The following RSPO1 variants were observed in gnomAD, a reference collection of about 807,000 sequenced individuals.
The protein encoded by RSPO1 is R-spondin 1.
A neutral mutation model predicts 26.0 loss-of-function variants in RSPO1; 18 were observed. The observed-to-expected ratio is 0.69, with a 90% CI of 0.48 to 1.03. The LOEUF (loss-of-function observed/expected upper bound fraction) is 1.03. Ranked by LOEUF, RSPO1 falls within the 50% of genes least tolerant of loss-of-function variation. The probability of loss-of-function intolerance (pLI) is 0.00; values close to 1 mark genes in which losing one functional copy is unlikely to be tolerated. For missense variants in RSPO1, 309 were observed against 352.3 expected (o/e 0.88, Z 0.98); for synonymous variants, 133 against 137.4 (o/e 0.97, Z 0.22).
Position 37,629,822 on chromosome 1 carries a change from G to T in RSPO1, c.-161C>A, listed in dbSNP as rs2148184541. The T allele has an allele frequency of 6.4e-7, 1 of 1,551,050 alleles. No homozygotes were observed. The highest frequency in any genetic ancestry group is 2.4e-5 in the East Asian group (1 of 40,912). ...ATAATCTCAGCTGGGGACAGAGAGG[G>T]TGTGGGGAGCCCAGTTCTCCATCAG... On this transcript the variant is annotated 5_prime_UTR_variant, in exon 3 of 7. Transcript: ENST00000356545.
At chr1:37,630,094 C>T in intron 2 of RSPO1, 145 bp from the exon 3 acceptor site, 1 of 595,258 alleles carries the variant, frequency 1.7e-6, no homozygotes. Context: ...AAGAAATCTG[C>T]TCCTTTTCCT....
In RSPO1 at chr1:37,614,287, G is replaced by A. The variant is rs769596573; in HGVS notation, c.333C>T (p.Cys111=). Residue 111 remains cysteine, a synonymous_variant, in exon 5 of 7, where the codon TGC becomes TGT. Transcript: ENST00000356545. The stretch of plus-strand genomic sequence containing the variant: ...GGTACAAGCCCTCCTTACACTTGGT[G>A]CAGAAGTTATGGCTGAAGCAGGCCT... ...HCEACFSHNF[C]TKCKEGLYLH... is the part of the protein sequence containing the mutation. 5 of 1,613,798 alleles carry A rather than the reference G, an allele frequency of 3.1e-6. No individual in the cohort carries two copies. The African/African-American group carries it at 6.7e-5, about 22-fold the overall frequency.
intron 3 of RSPO1, among the ~76,000 whole-genome samples, chr1:37,625,876 G>A (rs774523514): frequency 2.0e-5 from 3 of 151,990 alleles, no homozygotes; most frequent in African/African-American, 4.8e-5. Context: ...ACAAGCTTTC[G>A]CCATGTTGGG....
In RSPO1 at chr1:37,616,503, G is replaced by A. The variant is rs370101609; in HGVS notation, c.267C>T (p.Pro89=). 3.3e-5 allele frequency: 53 copies of A among 1,614,026 alleles called. No homozygotes were observed. The highest frequency in any genetic ancestry group is 8.8e-5 in the South Asian group (8 of 91,084). Residue 89 remains proline, a synonymous_variant, in exon 4 of 7, where the codon CCC becomes CCT. Coordinates refer to ENST00000356545, the MANE Select transcript of RSPO1 (RefSeq NM_001242908.2). ...CPPGYFDARN[P]DMNKCIKCKI... Reference sequence around the variant, plus strand: ...ACTCACTGATGCACTTGTTCATGTCGGGGTTGCGGGCGTCGAAGTATCCAG... The same window carrying A: ...ACTCACTGATGCACTTGTTCATGTCAGGGTTGCGGGCGTCGAAGTATCCAG...
At chr1:37,625,978 A>G (rs895144762) in intron 3 of RSPO1, among the ~76,000 whole-genome samples, 5 of 152,182 alleles carry the variant, frequency 3.3e-5, no homozygotes, top group Non-Finnish European at 4.4e-5. Context: ...ATGCCAAGCC[A>G]GACCCAGGAT....
chr1:37,626,076 C>T (rs532730190), intron 3 of RSPO1, among the ~76,000 whole-genome samples: 2 of 152,174 alleles, frequency 1.3e-5, no homozygotes, highest in Non-Finnish European at 2.9e-5. Flanking sequence ...CTCCCCCACC[C>T]TCTATGCAGC....
intron 3 of RSPO1, among the ~76,000 whole-genome samples, chr1:37,623,951 G>T (rs1202349353): frequency 6.6e-6 from 1 of 151,842 alleles, no homozygotes; most frequent in Non-Finnish European, 1.5e-5. Flanking sequence ...TAGTAGAGTT[G>T]GGGTTTCACC....
chr1:37,613,579 C>T lies in RSPO1; in HGVS notation c.625+125G>A, dbSNP rs934606520. 36 of 760,404 alleles carry T rather than the reference C, an allele frequency of 4.7e-5. No homozygotes were observed. The highest frequency in any genetic ancestry group is 2.9e-4 in the African/African-American group (17 of 58,322). The allele number at this position is 760,404 out of a possible 1,614,324, so 47.1% of individuals were successfully genotyped here. A position where few individuals can be genotyped will look rare whatever the true frequency, so the allele number is the denominator to read the frequency against. ...TTGGACAGCATGAGGTCTTGAGTTG[C>T]GGGTGCCCCATCTGGCCTTGCCCTG... On this transcript the variant is annotated intron_variant, in intron 6 of 6. Coordinates refer to ENST00000356545, the MANE Select transcript of RSPO1 (RefSeq NM_001242908.2). This position sits in a 1 kb window ranked among gnomAD's most constrained non-coding sequence, Gnocchi z 4.5.
intron 2 of RSPO1, among the ~76,000 whole-genome samples, chr1:37,630,839 A>C (rs533427388): frequency 1.1e-4 from 16 of 152,282 alleles, no homozygotes; most frequent in Non-Finnish European, 2.2e-4. Flanking sequence ...ACACTCCCCC[A>C]CACACACCCA....
intron 3 of RSPO1, among the ~76,000 whole-genome samples, chr1:37,624,141 G>C (rs1473707196): frequency 6.6e-6 from 1 of 152,168 alleles, no homozygotes; most frequent in Admixed American, 6.5e-5. Flanking sequence ...CTCTCCTCTA[G>C]CTGGGCACAG....
intron 3 of RSPO1, among the ~76,000 whole-genome samples, chr1:37,625,544 GGA>G (rs1317971880): frequency 6.6e-6 from 1 of 152,158 alleles, no homozygotes; most frequent in Non-Finnish European, 1.5e-5. Context: ...GCCTCAGCCA[GGA>G]GACTGAGGAA....
chr1:37,617,495 A>T (rs10908364), intron 3 of RSPO1, among the ~76,000 whole-genome samples: 122,509 of 151,344 alleles, frequency 0.81, 50,040 homozygotes, highest in East Asian at 0.96. Context: ...CCCGTCTCTA[A>T]TAAAATTACA....
chr1:37,619,613 G>A (rs1054130474), intron 3 of RSPO1, among the ~76,000 whole-genome samples: 2 of 152,186 alleles, frequency 1.3e-5, no homozygotes, highest in South Asian at 2.1e-4. Flanking sequence ...CCACAATGGC[G>A]GCAGTGTGTT....
At position 37,612,520 on chromosome 1, in the gene RSPO1, GTA is replaced by G. The variant is rs767775927; in HGVS notation, c.*233_*234del. ...CTCAGGTGTGTGTGTGTGTGTGTGTGTATGTGTGTGTGTGGTGTCTGTGTCTG... is the reference window on the plus strand; with the variant it reads ...CTCAGGTGTGTGTGTGTGTGTGTGTGTGTGTGTGTGTGGTGTCTGTGTCTG... On this transcript the variant is annotated 3_prime_UTR_variant, in exon 7 of 7. Coordinates refer to ENST00000356545, the MANE Select transcript of RSPO1 (RefSeq NM_001242908.2). 21 of 595,444 alleles carry G rather than the reference GTA, an allele frequency of 3.5e-5. No individual in the cohort carries two copies. The highest frequency in any genetic ancestry group is 1.7e-4 in the African/African-American group (9 of 54,002). The allele number at this position is 595,444 out of a possible 1,614,324, so 36.9% of individuals were successfully genotyped here. A position where few individuals can be genotyped will look rare whatever the true frequency, so the allele number is the denominator to read the frequency against.
chr1:37,626,810 G>A (rs1376578457), intron 3 of RSPO1, among the ~76,000 whole-genome samples: 1 of 152,050 alleles, frequency 6.6e-6, no homozygotes, highest in Non-Finnish European at 1.5e-5. Flanking sequence ...GAGGAGAAGG[G>A]GCTCAGGAAG....
rs1339191829 is a variant in RSPO1 at position 37,612,222 on chromosome 1, G to A, written c.*533C>T. 6.0e-6 allele frequency: 1 copy of A among 165,688 alleles called. No homozygotes were observed. Among genetic ancestry groups the A allele is most frequent in the Non-Finnish European group, 1.3e-5 (1 of 75,034 alleles). 10.3% of individuals were successfully genotyped at this position (165,688 alleles called of 1,614,324 possible). ...TCAGGTTAACCCTGATATGTATCCT[G>A]GAAGGGTAACAATACTCTCCAACGA... On this transcript the variant is annotated 3_prime_UTR_variant, in exon 7 of 7. Transcript: ENST00000356545.
At chr1:37,633,508 C>A (rs1295995396) in intron 1 of RSPO1, among the ~76,000 whole-genome samples, 1 of 152,144 alleles carries the variant, frequency 6.6e-6, no homozygotes, top group African/African-American at 2.4e-5. Flanking sequence ...CCTGCAATAC[C>A]GTCAGAATAA....
intron 3 of RSPO1, among the ~76,000 whole-genome samples, chr1:37,622,994 A>G (rs970489493): frequency 4.6e-5 from 7 of 152,080 alleles, no homozygotes; most frequent in Non-Finnish European, 1.0e-4. Flanking sequence ...GATGGAGTAG[A>G]GACCCGAGGA....
At chr1:37,624,501 C>A (rs1485020867) in intron 3 of RSPO1, among the ~76,000 whole-genome samples, 1 of 151,362 alleles carries the variant, frequency 6.6e-6, no homozygotes, top group African/African-American at 2.4e-5. Context: ...AGCTCCCAAG[C>A]ACCCTGCTCT....
Sources: allele counts gnomAD v4.1 joint callset (sites outside exome capture counted in the v4.1 genomes callset), GRCh38; gene constraint gnomAD v4.1.1; non-coding constraint Gnocchi (gnomAD v3.1); transcripts MANE v1.5; gene names NCBI Gene and HGNC (gene_info 2026-07-23, HGNC 2026-07-21).